The following IPO11 variants were observed in gnomAD, a reference collection of about 807,000 sequenced individuals.
The protein encoded by IPO11 is importin-11.
IPO11 carries 66 observed loss-of-function variants against 143.2 expected under a neutral mutation model. The observed-to-expected ratio is 0.46, with a 90% CI of 0.38 to 0.57. The LOEUF (loss-of-function observed/expected upper bound fraction) is 0.57, where lower values mean the gene tolerates loss of function less well. IPO11 is among the 20% of genes least tolerant of loss of function. The pLI is 0.00. For missense variants in IPO11, 1,026 were observed against 1,141.0 expected (o/e 0.90, Z 1.45); for synonymous variants, 385 against 377.8 (o/e 1.02, Z -0.22).
intron 3 of IPO11, among the ~76,000 whole-genome samples, chr5:62,447,296 G>T (rs376135880): frequency 7.0e-4 from 107 of 151,994 alleles, no homozygotes; most frequent in African/African-American, 2.5e-3. Context: ...GTAGAGATGG[G>T]GTCTTGCTAT....
chr5:62,520,375 A>ATT (rs755401076), intron 20 of IPO11, among the ~76,000 whole-genome samples: 2 of 147,290 alleles, frequency 1.4e-5, no homozygotes, highest in African/African-American at 4.9e-5. Context: ...GATACGACAG[A>ATT]TTTTTTTTTT....
Position 62,551,267 on chromosome 5 carries a change from A to C in IPO11, c.2391A>C (p.Arg797=). The C allele has an allele frequency of 6.2e-7, 1 of 1,610,882 alleles. No individual in the cohort carries two copies. The highest frequency in any genetic ancestry group is 8.5e-7 in the Non-Finnish European group (1 of 1,178,114). Residue 797 remains arginine, a synonymous_variant, in exon 26 of 30, where the codon CGA becomes CGC. Coordinates refer to ENST00000325324, the MANE Select transcript of IPO11 (RefSeq NM_016338.5). The stretch of plus-strand genomic sequence containing the variant: ...CCACGTATCTTGGAGTTATGGGTCG[A>C]GTTCTACTACAAAACACTAGTTTTT... The part of the protein sequence containing the change: ...VMSTYLGVMG[R]VLLQNTSFFS...
chr5:62,467,729 G>A (rs2112194014), intron 6 of IPO11, among the ~76,000 whole-genome samples: 1 of 152,220 alleles, frequency 6.6e-6, no homozygotes, highest in Middle Eastern at 3.4e-3. Flanking sequence ...GTGCTTTATA[G>A]GATGCCATCT....
At chr5:62,425,952 C>A (rs536975138) in intron 1 of IPO11, among the ~76,000 whole-genome samples, 1 of 152,180 alleles carries the variant, frequency 6.6e-6, no homozygotes, top group Non-Finnish European at 1.5e-5. Context: ...ATAGACATGA[C>A]TATTTGGAGC....
rs752898040 is a variant in IPO11, at chr5:62,601,799, T to G, written c.2714T>G (p.Val905Gly). 1.9e-6 allele frequency: 3 copies of G among 1,596,662 alleles called. No individual in the cohort carries two copies. Among genetic ancestry groups the G allele is most frequent in the Admixed American group, 3.4e-5 (2 of 58,022 alleles). The stretch of plus-strand genomic sequence containing the variant: ...ATGTCTCATCTTGAGGAACCAAAAG[T>G]AACAGAAGATGAAGAACCACCCACA... ...MLMSHLEEPK[V>G]TEDEEPPTEQ... The change falls in exon 29 of 30, where the codon GTA becomes GGA. Residue 905 changes from valine (V) to glycine (G), a missense_variant. Transcript: ENST00000325324.
At chr5:62,510,017 G>T (rs1741691368) in intron 19 of IPO11, among the ~76,000 whole-genome samples, 1 of 152,178 alleles carries the variant, frequency 6.6e-6, no homozygotes, top group African/African-American at 2.4e-5. Context: ...CCTAGCAACA[G>T]TGTACAAAGA....
intron 19 of IPO11, 58 bp from the exon 20 acceptor site, chr5:62,515,330 G>C (rs1580272046): frequency 8.8e-7 from 1 of 1,130,892 alleles, no homozygotes; most frequent in East Asian, 2.4e-5. Context: ...GTTTTTCAAA[G>C]TAAATTGCCT....
At chr5:62,510,673 A>AT (rs987060597) in intron 19 of IPO11, among the ~76,000 whole-genome samples, 10 of 152,068 alleles carry the variant, frequency 6.6e-5, no homozygotes, top group African/African-American at 2.4e-4. Context: ...CTGCTTTGTT[A>AT]TTTTTAATGC....
At chr5:62,487,472 TTTAAGGTATGA>T (rs1746451517) in intron 12 of IPO11, among the ~76,000 whole-genome samples, 1 of 152,144 alleles carries the variant, frequency 6.6e-6, no homozygotes, top group Non-Finnish European at 1.5e-5. Context: ...GCTTTTTAAA[TTTAAGGTATGA>T]TTAATTTAAA....
chr5:62,620,188 A>G (rs1412081213), intron 29 of IPO11, among the ~76,000 whole-genome samples: 1 of 152,130 alleles, frequency 6.6e-6, no homozygotes, highest in Admixed American at 6.5e-5. Context: ...TTGGTTTTAT[A>G]CATTTTAGGG....
At chr5:62,564,585 A>T (rs973453955) in intron 27 of IPO11, among the ~76,000 whole-genome samples, 7 of 151,978 alleles carry the variant, frequency 4.6e-5, no homozygotes, top group Non-Finnish European at 1.0e-4. Context: ...CCAGATGATA[A>T]TTTTTTGTGG....
At chr5:62,543,963 C>G (rs1027936954) in intron 24 of IPO11, among the ~76,000 whole-genome samples, 1 of 152,122 alleles carries the variant, frequency 6.6e-6, no homozygotes, top group East Asian at 1.9e-4. Context: ...CATTCAGCAG[C>G]AGGTTGTTCA....
At chr5:62,589,392 C>T (rs1439149114) in intron 27 of IPO11, among the ~76,000 whole-genome samples, 1 of 152,178 alleles carries the variant, frequency 6.6e-6, no homozygotes, top group Non-Finnish European at 1.5e-5. Flanking sequence ...TCTTTGCTCT[C>T]TTTGTATCCC....
intron 2 of IPO11, among the ~76,000 whole-genome samples, chr5:62,438,452 T>C (rs1744318857): frequency 6.6e-6 from 1 of 152,192 alleles, no homozygotes; most frequent in African/African-American, 2.4e-5. Flanking sequence ...TATAAATCTT[T>C]AGAAAATCTC....
At chr5:62,523,676 T>G (rs1742273591) in intron 20 of IPO11, among the ~76,000 whole-genome samples, 1 of 152,176 alleles carries the variant, frequency 6.6e-6, no homozygotes, top group Non-Finnish European at 1.5e-5. Context: ...TCATGTCACT[T>G]GAGTTAGGAA....
intron 27 of IPO11, among the ~76,000 whole-genome samples, chr5:62,564,696 G>A (rs954802475): frequency 4.6e-5 from 7 of 151,976 alleles, no homozygotes; most frequent in South Asian, 2.1e-4. Flanking sequence ...CTCAAGTCAC[G>A]ACAATTGAAA....
rs971397930 is a variant in IPO11 at position 62,579,326 on chromosome 5, G to A, written c.2583-12251G>A. ...CTGATCCTAATTAAAATAGAATACA[G>A]AAGTTATAGTATTATAAAAAAAATT... is the stretch of plus-strand genomic sequence containing the variant. On this transcript the variant is annotated intron_variant, in intron 27 of 29. Transcript: ENST00000325324. 31 of 914,894 alleles carry A rather than the reference G, an allele frequency of 3.4e-5. No individual in the cohort carries two copies. In the East Asian group the frequency reaches 8.2e-4, roughly 24 times the overall value. The allele number at this position is 914,894 out of a possible 1,614,324, so 56.7% of individuals were successfully genotyped here.
chr5:62,553,346 G>GTGTT (rs1554055048), intron 26 of IPO11, among the ~76,000 whole-genome samples: 2,826 of 150,354 alleles, frequency 0.019, 91 homozygotes, highest in African/African-American at 0.059. Flanking sequence ...GTGTGTGTGT[G>GTGTT]TGTGTGTGTG....
chr5:62,590,632 T>G (rs1444512540), intron 27 of IPO11, among the ~76,000 whole-genome samples: 2 of 152,194 alleles, frequency 1.3e-5, no homozygotes, highest in Non-Finnish European at 2.9e-5. Context: ...AATTTTAGCT[T>G]AGATAACTAT....
Sources: allele counts gnomAD v4.1 joint callset (sites outside exome capture counted in the v4.1 genomes callset), GRCh38; gene constraint gnomAD v4.1.1; transcripts MANE v1.5; gene names NCBI Gene and HGNC (gene_info 2026-07-23, HGNC 2026-07-21).